Variants in DLG2 observed in about 807,000 individuals in gnomAD.
The protein encoded by DLG2 is discs large MAGUK scaffold protein 2.
Under a neutral mutation model 132.5 loss-of-function variants are expected in DLG2, and 45 were observed. The observed-to-expected ratio is 0.34, with a 90% CI of 0.27 to 0.44. DLG2 has a LOEUF of 0.44. Among genes scored for constraint, DLG2 ranks in the 20% least tolerant of loss-of-function variants. The probability of loss-of-function intolerance (pLI) is 1.00; values close to 1 mark genes in which losing one functional copy is unlikely to be tolerated. For synonymous variants in DLG2, 424 were observed against 419.6 expected, an observed-to-expected ratio of 1.01 and a Z score of -0.13; for missense variants, 1,045 against 1,196.9, an observed-to-expected ratio of 0.87 and a Z score of 1.87.
chr11:83,557,625 T>G (rs2096542097), intron 19 of DLG2, among the ~76,000 whole-genome samples: 3 of 152,144 alleles, frequency 2.0e-5, no homozygotes, highest in Admixed American at 2.0e-4. Context: ...GCAAACAGGC[T>G]TATGTTGCTT....
intron 6 of DLG2, among the ~76,000 whole-genome samples, chr11:84,702,553 G>A (rs761183692): frequency 2.0e-5 from 3 of 151,600 alleles, no homozygotes; most frequent in Non-Finnish European, 3.0e-5. Context: ...TAGTCACTAA[G>A]CCTTGATTAT....
chr11:83,997,627 A>T (rs2154187861), intron 11 of DLG2, among the ~76,000 whole-genome samples: 1 of 148,254 alleles, frequency 6.7e-6, no homozygotes, highest in South Asian at 2.2e-4. Flanking sequence ...GCTACTCAGG[A>T]GTCTGAGGGA....
chr11:83,505,585 C>T (rs1167552947), intron 21 of DLG2, among the ~76,000 whole-genome samples: 1 of 152,226 alleles, frequency 6.6e-6, no homozygotes, highest in Admixed American at 6.5e-5. Context: ...CCATATACCT[C>T]TTCCCCAAAT....
At chr11:83,796,106 C>A (rs1032972364) in intron 17 of DLG2, among the ~76,000 whole-genome samples, 1 of 152,144 alleles carries the variant, frequency 6.6e-6, no homozygotes, top group African/African-American at 2.4e-5. Context: ...TAGGGTCAGG[C>A]AAATAATAGG....
intron 6 of DLG2, among the ~76,000 whole-genome samples, chr11:84,916,938 A>G (rs2092505439): frequency 1.3e-5 from 2 of 152,310 alleles, no homozygotes; most frequent in Admixed American, 1.3e-4. Context: ...CTTTACTCCA[A>G]GCCATATTCT....
intron 6 of DLG2, among the ~76,000 whole-genome samples, chr11:84,693,372 A>G (rs1050142132): frequency 1.3e-5 from 2 of 151,726 alleles, no homozygotes; most frequent in African/African-American, 4.8e-5. Flanking sequence ...AGTTACCAGG[A>G]TATCCTGAAG....
At chr11:84,119,333 A>G (rs2093791872) in intron 9 of DLG2, among the ~76,000 whole-genome samples, 1 of 152,078 alleles carries the variant, frequency 6.6e-6, no homozygotes, top group South Asian at 2.1e-4. Flanking sequence ...CTCTCATCCT[A>G]GGATGAGTCC....
chr11:83,794,852 G>A (rs544390332), intron 17 of DLG2, among the ~76,000 whole-genome samples: 23 of 152,164 alleles, frequency 1.5e-4, no homozygotes, highest in East Asian at 7.7e-4. Context: ...GTCTAATTCC[G>A]AGGGTCTACG....
chr11:83,710,609 AT>A (rs1306355320), intron 18 of DLG2, among the ~76,000 whole-genome samples: 1 of 152,208 alleles, frequency 6.6e-6, no homozygotes, highest in Non-Finnish European at 1.5e-5. Context: ...ATTAACAACA[AT>A]ATATAGTTCA....
At chr11:85,187,936 C>T (rs1168044735) in intron 4 of DLG2, among the ~76,000 whole-genome samples, 1 of 152,080 alleles carries the variant, frequency 6.6e-6, no homozygotes, top group East Asian at 1.9e-4. Context: ...CAGGAAGATC[C>T]ACGAAATGAG....
intron 3 of DLG2, among the ~76,000 whole-genome samples, chr11:85,583,057 A>AAAAT (rs1436845621): frequency 6.9e-5 from 7 of 101,634 alleles, no homozygotes; most frequent in Non-Finnish European, 1.1e-4. Flanking sequence ...GGAAAAAAAA[A>AAAAT]ATATATATAT....
rs966016441 is a variant in DLG2, at chr11:85,394,541, T to A, written c.41-109176A>T. Among the ~76,000 whole-genome samples, 3 of 152,204 alleles carry A rather than the reference T, an allele frequency of 2.0e-5. No homozygotes were observed. The South Asian group carries it at 6.2e-4, about 31-fold the overall frequency. ...CAAAACACACTGAAATGTGTAAACA[T>A]CTCTGATTTAGCACTAAAGTTGGTT... On this transcript the variant is annotated intron_variant, in intron 3 of 27. Coordinates refer to ENST00000376104, the MANE Select transcript of DLG2 (RefSeq NM_001142699.3).
At chr11:85,369,874 T>A (rs559758911) in intron 3 of DLG2, among the ~76,000 whole-genome samples, 1 of 152,194 alleles carries the variant, frequency 6.6e-6, no homozygotes, top group Admixed American at 6.5e-5. Context: ...ATCAAGTATT[T>A]TTTAAAAAGG....
intron 6 of DLG2, among the ~76,000 whole-genome samples, chr11:84,636,433 C>T (rs1452260722): frequency 6.6e-6 from 1 of 152,308 alleles, no homozygotes; most frequent in African/African-American, 2.4e-5. Context: ...AGTTATTCAA[C>T]TACTAGTGGT....
chr11:85,424,994 C>A (rs2090600925), intron 3 of DLG2, among the ~76,000 whole-genome samples: 1 of 151,444 alleles, frequency 6.6e-6, no homozygotes, highest in Admixed American at 6.6e-5. Context: ...TCACCTTAAT[C>A]CACTGAAGTT....
At chr11:84,606,417 T>C (rs1214121134) in intron 6 of DLG2, among the ~76,000 whole-genome samples, 2 of 152,152 alleles carry the variant, frequency 1.3e-5, no homozygotes, top group Admixed American at 6.6e-5. Flanking sequence ...TAAATTATAA[T>C]TGTCTTTGTA....
At chr11:84,389,665 T>A (rs937139041) in intron 7 of DLG2, among the ~76,000 whole-genome samples, 2 of 152,178 alleles carry the variant, frequency 1.3e-5, no homozygotes, top group Non-Finnish European at 2.9e-5. Flanking sequence ...CACACTTTTT[T>A]ATTTAAATCA....
chr11:83,965,232 G>A, intron 13 of DLG2, 92 bp downstream of exon 13: 1 of 1,346,908 alleles, frequency 7.4e-7, no homozygotes, highest in Non-Finnish European at 1.0e-6. Flanking sequence ...TAACCAAGAG[G>A]GAAGGTACAA....
At chr11:85,261,859 T>C (rs1464197040) in intron 4 of DLG2, among the ~76,000 whole-genome samples, 1 of 152,014 alleles carries the variant, frequency 6.6e-6, no homozygotes, top group African/African-American at 2.4e-5. Context: ...GGTTGGGCTA[T>C]CAGGGGGAAG....
Sources: gnomAD v4.1 joint callset for allele counts (sites outside exome capture counted in the v4.1 genomes callset) on GRCh38, gnomAD v4.1.1 for gene constraint, MANE v1.5 for transcripts, NCBI Gene and HGNC (gene_info 2026-07-23, HGNC 2026-07-21) for gene names.